Variants in GASK1B observed in about 807,000 individuals in gnomAD.
GASK1B encodes the protein golgi associated kinase 1B.
In GASK1B, 34 loss-of-function variants were observed where a neutral mutation model predicts 42.8. That is an observed-to-expected ratio of 0.79 (90% confidence interval 0.60 to 1.06). GASK1B has a LOEUF of 1.06. Among genes scored for constraint, GASK1B ranks in the 50% least tolerant of loss-of-function variants. The pLI, the probability that GASK1B is intolerant of heterozygous loss-of-function variation, is 0.00. For synonymous variants in GASK1B, 262 were observed against 259.1 expected, an observed-to-expected ratio of 1.01 and a Z score of -0.11; for missense variants, 686 against 661.0, an observed-to-expected ratio of 1.04 and a Z score of -0.42.
At chr4:158,168,457 GTAC>G (rs1486472304) in intron 2 of GASK1B, 1 of 152,128 alleles carries the variant, frequency 6.6e-6, no homozygotes, top group East Asian at 1.9e-4. Flanking sequence ...AATGAACTTG[GTAC>G]CTCATGTGCT....
chr4:158,156,936 T>C (rs1156528762), intron 2 of GASK1B, among the ~76,000 whole-genome samples: 4 of 152,134 alleles, frequency 2.6e-5, no homozygotes, highest in Non-Finnish European at 2.9e-5. Context: ...TATATAACTT[T>C]ATGGCCTATT....
chr4:158,164,182 A>G (rs747583823), intron 2 of GASK1B, among the ~76,000 whole-genome samples: 95 of 152,348 alleles, frequency 6.2e-4, no homozygotes, highest in Non-Finnish European at 1.2e-3. Context: ...TTGTTCACTG[A>G]TGCAGCCCCA....
Position 158,155,804 on chromosome 4 carries a change from A to G in GASK1B, c.932T>C (p.Ile311Thr). ...TGAAGATAAAGATGCATCCCAAAGA[A>G]TGATGGGGCATGGGCGGCCATCTAT... ...FIQDGRPCPIILWDASLSSAS... is the reference protein window; with the variant it reads ...FIQDGRPCPITLWDASLSSAS... The change falls in exon 3 of 5, where the codon ATT becomes ACT. Residue 311 changes from isoleucine to threonine, a missense_variant. By Grantham distance (89) the Ile-to-Thr change is moderately conservative. Coordinates refer to ENST00000585682, the MANE Select transcript of GASK1B (RefSeq NM_001128424.2). 6.2e-7 allele frequency: 1 copy of G among 1,613,756 alleles called. No homozygotes were observed. Among genetic ancestry groups the G allele is most frequent in the Non-Finnish European group, 8.5e-7 (1 of 1,179,720 alleles).
chr4:158,141,763 C>T lies in GASK1B; in HGVS notation c.1126-10751G>A, dbSNP rs191287197. Among the ~76,000 whole-genome samples, 32 of 150,474 alleles carry T rather than the reference C, an allele frequency of 2.1e-4. 1 individual carries two copies. In the East Asian group the frequency reaches 5.8e-3, roughly 27 times the overall value. ...CTGGGACTGCAGGCGCCCACCACCA[C>T]GCCAGACTAATTTTTCTGTATTTTT... is the stretch of plus-strand genomic sequence containing the variant. On this transcript the variant is annotated intron_variant, in intron 3 of 4. Coordinates refer to ENST00000585682, the MANE Select transcript of GASK1B (RefSeq NM_001128424.2).
rs1199605688 is a variant in GASK1B at position 158,130,878 on chromosome 4, A to T, written c.1260T>A (p.His420Gln). Residue 420 changes from histidine (H) to glutamine (Q), a missense_variant, in exon 4 of 5, where the codon CAT becomes CAA. Coordinates refer to ENST00000585682, the MANE Select transcript of GASK1B (RefSeq NM_001128424.2). The part of the protein sequence containing the change: ...AALAHIIQRK[H>Q]DPRHLVFIDN... The stretch of plus-strand genomic sequence containing the variant: ...CTATAAAAACCAAATGCCTTGGGTC[A>T]TGCTTTCGCTGGATAATGTGTGCTA... 6.2e-7 allele frequency: 1 copy of T among 1,614,006 alleles called. No homozygotes were observed. Among genetic ancestry groups the T allele is most frequent in the Non-Finnish European group, 8.5e-7 (1 of 1,180,002 alleles).
intron 3 of GASK1B, among the ~76,000 whole-genome samples, chr4:158,146,312 C>T (rs1306503656): frequency 6.6e-6 from 1 of 151,490 alleles, no homozygotes; most frequent in African/African-American, 2.4e-5. Flanking sequence ...TAGGCGAAGG[C>T]CTATAATATA....
intron 2 of GASK1B, chr4:158,169,558 C>T (rs983526067): frequency 1.3e-5 from 2 of 152,202 alleles, no homozygotes; most frequent in African/African-American, 4.8e-5. Context: ...AGTTAAGTAT[C>T]CTTTCAGCTT....
chr4:158,155,497 T>C (rs1009428166), intron 3 of GASK1B, 114 bp downstream of exon 3: 76 of 908,904 alleles, frequency 8.4e-5, no homozygotes, highest in Non-Finnish European at 1.2e-4. Flanking sequence ...ACCAAGCTAA[T>C]AGAAGTTATC....
intron 2 of GASK1B, among the ~76,000 whole-genome samples, chr4:158,158,503 T>C (rs1731842853): frequency 6.6e-6 from 1 of 152,240 alleles, no homozygotes; most frequent in East Asian, 1.9e-4. Flanking sequence ...TTTGGGATCA[T>C]CTTGTATGTA....
At chr4:158,147,645 A>C (rs1253774162) in intron 3 of GASK1B, among the ~76,000 whole-genome samples, 1 of 151,998 alleles carries the variant, frequency 6.6e-6, no homozygotes, top group Non-Finnish European at 1.5e-5. Flanking sequence ...AATTAAAAAA[A>C]AACTTGTATG....
chr4:158,137,665 A>G (rs1020102973), intron 3 of GASK1B, among the ~76,000 whole-genome samples: 2 of 152,172 alleles, frequency 1.3e-5, no homozygotes, highest in African/African-American at 4.8e-5. Context: ...ACTTGTTAAT[A>G]TAGACACAGC....
intron 2 of GASK1B, among the ~76,000 whole-genome samples, chr4:158,166,620 T>TA (rs761500493): frequency 2.0e-4 from 30 of 152,176 alleles, no homozygotes; most frequent in Non-Finnish European, 5.9e-5. Flanking sequence ...TATGAGGATT[T>TA]AATGAAATAA....
At chr4:158,141,155 A>G (rs1731098445) in intron 3 of GASK1B, among the ~76,000 whole-genome samples, 1 of 152,150 alleles carries the variant, frequency 6.6e-6, no homozygotes, top group Non-Finnish European at 1.5e-5. Context: ...AGTGCTAGAT[A>G]GTAGGTGGAA....
At chr4:158,138,892 A>G (rs1731008939) in intron 3 of GASK1B, among the ~76,000 whole-genome samples, 1 of 152,194 alleles carries the variant, frequency 6.6e-6, no homozygotes, top group Non-Finnish European at 1.5e-5. Context: ...TTTCTTAAAA[A>G]TTACTTTTAC....
intron 4 of GASK1B, among the ~76,000 whole-genome samples, chr4:158,128,248 A>G (rs980980334): frequency 5.3e-5 from 8 of 152,176 alleles, no homozygotes; most frequent in Non-Finnish European, 8.8e-5. Flanking sequence ...GATGTTTTCA[A>G]ATAAATTCAG....
intron 2 of GASK1B, chr4:158,170,101 T>C (rs537827033): frequency 7.7e-6 from 6 of 779,916 alleles, no homozygotes; most frequent in East Asian, 5.4e-5. Context: ...TTTAATAGTA[T>C]GCCTGACTGT....
intron 2 of GASK1B, 46 bp from the exon 3 acceptor site, chr4:158,155,871 CAG>C: frequency 7.8e-6 from 12 of 1,543,772 alleles, no homozygotes; most frequent in Non-Finnish European, 9.8e-6. Flanking sequence ...ACTATTGACT[CAG>C]GGTGTGTCTT....
At chr4:158,158,266 A>G (rs755114754) in intron 2 of GASK1B, among the ~76,000 whole-genome samples, 13 of 152,158 alleles carry the variant, frequency 8.5e-5, no homozygotes, top group Non-Finnish European at 1.8e-4. Flanking sequence ...CACATGCCCC[A>G]GAAAGGTTTT....
chr4:158,136,911 T>G (rs537137965), intron 3 of GASK1B, among the ~76,000 whole-genome samples: 1 of 152,238 alleles, frequency 6.6e-6, no homozygotes, highest in Non-Finnish European at 1.5e-5. Context: ...CAATAAATGT[T>G]TGTTATTGAA....
Sources: allele counts gnomAD v4.1 joint callset (sites outside exome capture counted in the v4.1 genomes callset), GRCh38; gene constraint gnomAD v4.1.1; transcripts MANE v1.5; gene names NCBI Gene and HGNC (gene_info 2026-07-23, HGNC 2026-07-21).